The following TM2D1 variants were observed in gnomAD, a reference collection of about 807,000 sequenced individuals.
TM2D1 encodes the protein TM2 domain containing 1.
A neutral mutation model predicts 28.4 loss-of-function variants in TM2D1; 15 were observed. That is an observed-to-expected ratio of 0.53 (90% CI 0.35 to 0.81). The LOEUF (loss-of-function observed/expected upper bound fraction) is 0.81. Among genes scored for constraint, TM2D1 ranks in the 40% least tolerant of loss-of-function variants. The pLI is 0.01. For missense variants in TM2D1, 236 were observed against 254.9 expected (o/e 0.93, Z 0.50); for synonymous variants, 93 against 96.2 (o/e 0.97, Z 0.20).
At chr1:61,720,391 G>A (rs1644554869) in intron 2 of TM2D1, among the ~76,000 whole-genome samples, 1 of 152,058 alleles carries the variant, frequency 6.6e-6, no homozygotes. Context: ...ACAGGCATGT[G>A]CCACTACGCC....
chr1:61,710,335 A>C (rs1162224316), intron 2 of TM2D1, among the ~76,000 whole-genome samples: 1 of 149,084 alleles, frequency 6.7e-6, no homozygotes, highest in Non-Finnish European at 1.5e-5. Flanking sequence ...CTGAGGTGAG[A>C]GGATCACTTG....
At chr1:61,693,196 C>T (rs1220691523) in intron 5 of TM2D1, among the ~76,000 whole-genome samples, 1 of 152,120 alleles carries the variant, frequency 6.6e-6, no homozygotes, top group African/African-American at 2.4e-5. Flanking sequence ...TGAGATCACA[C>T]CACTGCACTC....
At chr1:61,712,593 T>A (rs939958812) in intron 2 of TM2D1, among the ~76,000 whole-genome samples, 25 of 152,016 alleles carry the variant, frequency 1.6e-4, no homozygotes, top group African/African-American at 6.0e-4. Context: ...GTATTTTTAG[T>A]AGAGATGGGG....
chr1:61,713,713 G>A (rs990136545), intron 2 of TM2D1, among the ~76,000 whole-genome samples: 1 of 152,008 alleles, frequency 6.6e-6, no homozygotes, highest in Non-Finnish European at 1.5e-5. Context: ...ACAGCCTTGT[G>A]AGATCTTCCT....
intron 3 of TM2D1, among the ~76,000 whole-genome samples, chr1:61,704,975 ACTCC>A (rs1480807746): frequency 2.6e-5 from 4 of 151,944 alleles, no homozygotes; most frequent in Admixed American, 2.6e-4. Context: ...AACTGTAAAC[ACTCC>A]TTTGATATAT....
At chr1:61,709,171 CA>C (rs1463928194) in intron 3 of TM2D1, among the ~76,000 whole-genome samples, 157 bp downstream of exon 3, 1 of 151,720 alleles carries the variant, frequency 6.6e-6, no homozygotes, top group Non-Finnish European at 1.5e-5. Flanking sequence ...TCTCAAAAAC[CA>C]AAAAACAAAC....
chr1:61,687,187 C>T (rs1476983228), intron 5 of TM2D1, among the ~76,000 whole-genome samples: 1 of 151,850 alleles, frequency 6.6e-6, no homozygotes, highest in African/African-American at 2.4e-5. Flanking sequence ...TTTGTAAAAA[C>T]AAAAATTTAG....
chr1:61,703,911 C>T (rs1262762042), intron 3 of TM2D1, among the ~76,000 whole-genome samples: 1 of 151,586 alleles, frequency 6.6e-6, no homozygotes, highest in African/African-American at 2.4e-5. Flanking sequence ...CACCCACCAC[C>T]ACACCCGGCT....
chr1:61,684,763 TTC>T (rs1005293776), intron 5 of TM2D1, among the ~76,000 whole-genome samples: 1 of 152,136 alleles, frequency 6.6e-6, no homozygotes, highest in African/African-American at 2.4e-5. Flanking sequence ...GCTAGAAGTT[TTC>T]TCTCTTTCAT....
intron 5 of TM2D1, chr1:61,687,052 T>C: frequency 2.3e-6 from 2 of 853,138 alleles, no homozygotes; most frequent in Non-Finnish European, 2.8e-6. Context: ...CTAAGAAATA[T>C]CCTGAAGCTG....
At chr1:61,710,912 G>A (rs1167008403) in intron 2 of TM2D1, among the ~76,000 whole-genome samples, 1 of 152,060 alleles carries the variant, frequency 6.6e-6, no homozygotes, top group Non-Finnish European at 1.5e-5. Flanking sequence ...TATTTGTCAG[G>A]TTACTGATAG....
chr1:61,703,202 T>C (rs1326986392), intron 3 of TM2D1, among the ~76,000 whole-genome samples: 1 of 150,518 alleles, frequency 6.6e-6, no homozygotes, highest in Non-Finnish European at 1.5e-5. Context: ...AGCTCTCCCA[T>C]TGTTGTGCCT....
intron 5 of TM2D1, among the ~76,000 whole-genome samples, chr1:61,693,202 C>A (rs1020143407): frequency 3.3e-5 from 5 of 152,142 alleles, no homozygotes; most frequent in African/African-American, 1.2e-4. Flanking sequence ...CACACCACTG[C>A]ACTCCAGCCT....
intron 4 of TM2D1, among the ~76,000 whole-genome samples, chr1:61,696,874 T>G (rs918733736): frequency 2.0e-5 from 3 of 152,250 alleles, no homozygotes; most frequent in Middle Eastern, 3.4e-3. Context: ...TCTTCCTGCC[T>G]TGGCCTCCCA....
At chr1:61,709,530 C>T in intron 2 of TM2D1, 93 bp from the exon 3 acceptor site, 1 of 839,496 alleles carries the variant, frequency 1.2e-6, no homozygotes, top group East Asian at 2.7e-5. Flanking sequence ...TTATAACAAA[C>T]TACCTCCCAA....
chr1:61,701,495 C>T (rs374657603), intron 3 of TM2D1, among the ~76,000 whole-genome samples: 1 of 150,930 alleles, frequency 6.6e-6, no homozygotes, highest in African/African-American at 2.4e-5. Context: ...AAAAAGACAG[C>T]CAGAACTATC....
rs1316880566 is a variant in TM2D1 at position 61,691,921 on chromosome 1, T to TAAAAA, written c.513+2771_513+2775dup. On this transcript the variant is annotated intron_variant, in intron 5 of 6. Coordinates refer to ENST00000606498, the MANE Select transcript of TM2D1 (RefSeq NM_032027.3). The stretch of plus-strand genomic sequence containing the variant: ...CGAAAACTCCATCTCAAAAAAAACT[T>TAAAAA]AAAAAAAAAAAATATATATATATAT... Among the ~76,000 whole-genome samples, 211 of 61,928 alleles carry TAAAAA rather than the reference T, an allele frequency of 3.4e-3. 11 individuals are homozygous for TAAAAA. Among genetic ancestry groups the TAAAAA allele is most frequent in the East Asian group, 8.3e-3 (12 of 1,440 alleles). The allele number at this position is 61,928 out of a possible 152,430, so 40.6% of individuals were successfully genotyped here.
At chr1:61,711,021 G>A (rs1483216587) in intron 2 of TM2D1, among the ~76,000 whole-genome samples, 3 of 152,122 alleles carry the variant, frequency 2.0e-5, no homozygotes, top group African/African-American at 7.2e-5. Flanking sequence ...CAATAAAACT[G>A]AGAACCATTT....
At chr1:61,715,645 C>CAAAAAAAAAAAA (rs759796747) in intron 2 of TM2D1, among the ~76,000 whole-genome samples, 1 of 16,424 alleles carries the variant, frequency 6.1e-5, no homozygotes, top group Non-Finnish European at 1.3e-4. Flanking sequence ...AAGACTGTCT[C>CAAAAAAAAAAAA]AAAAAAAAAA....
Sources: allele counts gnomAD v4.1 joint callset (sites outside exome capture counted in the v4.1 genomes callset), GRCh38; gene constraint gnomAD v4.1.1; transcripts MANE v1.5; gene names NCBI Gene and HGNC (gene_info 2026-07-23, HGNC 2026-07-21).